GINS1: variants seen among roughly 807,000 people sequenced by gnomAD.
The protein encoded by GINS1 is GINS complex subunit 1, also known as DNA replication complex GINS protein PSF1.
A neutral mutation model predicts 34.9 loss-of-function variants in GINS1; 26 were observed. That is an observed-to-expected ratio of 0.74 (90% CI 0.55 to 1.03). The LOEUF is 1.03. Ranked by LOEUF, GINS1 falls within the 50% of genes least tolerant of loss-of-function variation. GINS1 has a pLI of 0.00. For missense variants in GINS1, 235 were observed against 237.9 expected, an observed-to-expected ratio of 0.99 and a Z score of 0.08; for synonymous variants, 97 against 84.4, an observed-to-expected ratio of 1.15 and a Z score of -0.82.
At chr20:25,438,757 A>G (rs1032338435) in intron 5 of GINS1, among the ~76,000 whole-genome samples, 1 of 151,828 alleles carries the variant, frequency 6.6e-6, no homozygotes, top group African/African-American at 2.4e-5. Flanking sequence ...TATTTTTTGT[A>G]CCGATGGTAT....
chr20:25,423,629 T>TC (rs869258163), intron 4 of GINS1, among the ~76,000 whole-genome samples: 1 of 26,896 alleles, frequency 3.7e-5, no homozygotes, highest in Non-Finnish European at 7.6e-5. Context: ...TTTTTTTTTT[T>TC]CCGAGACGGA....
chr20:25,420,876 GAA>G lies in GINS1; in HGVS notation c.330+2682_330+2683del, dbSNP rs1030078491. On this transcript the variant is annotated intron_variant, in intron 4 of 6. Transcript: ENST00000262460. ...ATGTTTTGGAAACACTGAAGGATGA[GAA>G]GAGATTAATACAGATAAACTCTGTA... 3 of 979,004 alleles carry G rather than the reference GAA, an allele frequency of 3.1e-6. No homozygotes were observed. In the African/African-American group the frequency reaches 5.3e-5, roughly 17 times the overall value. 60.6% of individuals were successfully genotyped at this position (979,004 alleles called of 1,614,324 possible). A position where few individuals can be genotyped will look rare whatever the true frequency, so the allele number is the denominator to read the frequency against.
intron 1 of GINS1, among the ~76,000 whole-genome samples, chr20:25,412,282 A>G (rs2482908): frequency 0.85 from 128,513 of 152,072 alleles, 54,584 homozygotes; most frequent in African/African-American, 0.92. Context: ...AGCTGGGCCC[A>G]GTGGCTCATC....
At chr20:25,417,265 C>T (rs1600922565) in intron 3 of GINS1, 63 bp downstream of exon 3, 1 of 778,460 alleles carries the variant, frequency 1.3e-6, no homozygotes. Flanking sequence ...AGTTGACCAT[C>T]TCAAATGGGT....
chr20:25,423,113 GT>G (rs111280051), intron 4 of GINS1, among the ~76,000 whole-genome samples: 15 of 141,216 alleles, frequency 1.1e-4, no homozygotes, highest in South Asian at 9.2e-4. Context: ...AGTATTTCTG[GT>G]TTTTTTTTTG....
At chr20:25,427,617 T>A (rs2090398956) in intron 5 of GINS1, among the ~76,000 whole-genome samples, 3 of 152,190 alleles carry the variant, frequency 2.0e-5, no homozygotes. Context: ...TTTGGAGAAA[T>A]GTTTATTCAA....
chr20:25,417,961 C>T lies in GINS1; in HGVS notation c.240-144C>T, dbSNP rs185824183. The T allele has an allele frequency of 1.2e-5, 8 of 647,240 alleles. No homozygotes were observed. In the African/African-American group the frequency reaches 1.2e-4, roughly 10 times the overall value. 40.1% of individuals were successfully genotyped at this position (647,240 alleles called of 1,614,324 possible). ...GGAGGAGTGGACAGTGCCTTCAGGT[C>T]GACTCTCAGACTGTGTTCATGTTCT... On this transcript the variant is annotated intron_variant, in intron 3 of 6. Coordinates refer to ENST00000262460, the MANE Select transcript of GINS1 (RefSeq NM_021067.5).
At chr20:25,417,989 T>C in intron 3 of GINS1, 116 bp from the exon 4 acceptor site, 1 of 728,132 alleles carries the variant, frequency 1.4e-6, no homozygotes, top group South Asian at 1.5e-5. Flanking sequence ...CATGTTCTTC[T>C]TGTTTTCCCT....
rs762662810 is a variant in GINS1 at position 25,425,282 on chromosome 20, G to C, written c.402G>C (p.Leu134Phe). The C allele has an allele frequency of 2.1e-5, 33 of 1,566,758 alleles. No homozygotes were observed. Among genetic ancestry groups the C allele is most frequent in the Non-Finnish European group, 2.6e-5 (30 of 1,137,894 alleles). ...YMRSLGGDEGLDITQDMKPPK... is the reference protein window; with the variant it reads ...YMRSLGGDEGFDITQDMKPPK... The stretch of plus-strand genomic sequence containing the variant: ...GGTCACTGGGAGGAGATGAAGGTTT[G>C]GACATTACACAGGATATGAAACCAC... Residue 134 changes from leucine to phenylalanine, a missense_variant, in exon 5 of 7, where the codon TTG (leucine) becomes TTC (phenylalanine). By Grantham distance (22) the Leu-to-Phe change is conservative. Coordinates refer to ENST00000262460, the MANE Select transcript of GINS1 (RefSeq NM_021067.5).
intron 1 of GINS1, 48 bp from the exon 2 acceptor site, chr20:25,413,742 A>T: frequency 9.5e-7 from 1 of 1,058,040 alleles, no homozygotes; most frequent in African/African-American, 1.6e-5. Context: ...ATTGCCACAG[A>T]ATTGGTGGGG....
chr20:25,410,358 G>C (rs1189757384), intron 1 of GINS1, among the ~76,000 whole-genome samples: 2 of 151,530 alleles, frequency 1.3e-5, no homozygotes, highest in African/African-American at 4.8e-5. Flanking sequence ...AAAAAAAGTT[G>C]TAGAATCACT....
intron 5 of GINS1, among the ~76,000 whole-genome samples, chr20:25,430,028 A>G (rs1236293880): frequency 6.6e-6 from 1 of 152,032 alleles, no homozygotes; most frequent in African/African-American, 2.4e-5. Flanking sequence ...TTCTCCTGCC[A>G]CAGCCTCCTA....
intron 5 of GINS1, among the ~76,000 whole-genome samples, chr20:25,432,254 C>T (rs1568806752): frequency 1.3e-5 from 2 of 151,792 alleles, no homozygotes; most frequent in East Asian, 1.9e-4. Flanking sequence ...GCATTCCATA[C>T]ATTTTGATGT....
At chr20:25,431,786 G>C (rs568695752) in intron 5 of GINS1, among the ~76,000 whole-genome samples, 32 of 152,008 alleles carry the variant, frequency 2.1e-4, no homozygotes, top group African/African-American at 7.7e-4. Flanking sequence ...TGTCCAGGCT[G>C]GTCTTGAACT....
At chr20:25,422,260 T>C (rs1451457538) in intron 4 of GINS1, among the ~76,000 whole-genome samples, 1 of 152,018 alleles carries the variant, frequency 6.6e-6, no homozygotes, top group East Asian at 1.9e-4. Context: ...TTGTGCAGAC[T>C]AATCACTTCC....
chr20:25,424,242 G>T (rs186498689), intron 4 of GINS1, among the ~76,000 whole-genome samples: 52 of 152,214 alleles, frequency 3.4e-4, no homozygotes, highest in African/African-American at 1.2e-3. Flanking sequence ...TTCCCATCTT[G>T]TTCTTTTTTG....
At chr20:25,433,549 A>G (rs2090438489) in intron 5 of GINS1, among the ~76,000 whole-genome samples, 1 of 152,216 alleles carries the variant, frequency 6.6e-6, no homozygotes, top group Non-Finnish European at 1.5e-5. Flanking sequence ...AATAAGGAAA[A>G]AAAGTCTGTA....
At chr20:25,431,952 C>T (rs916453560) in intron 5 of GINS1, among the ~76,000 whole-genome samples, 1 of 152,034 alleles carries the variant, frequency 6.6e-6, no homozygotes, top group South Asian at 2.1e-4. Flanking sequence ...ACTGCAACCT[C>T]CATTTCCCGG....
At chr20:25,435,038 A>T (rs914681958) in intron 5 of GINS1, among the ~76,000 whole-genome samples, 1 of 152,204 alleles carries the variant, frequency 6.6e-6, no homozygotes, top group Admixed American at 6.5e-5. Context: ...TTGAGGATTA[A>T]ATTTCTACCA....
Sources: gnomAD v4.1 joint callset for allele counts (sites outside exome capture counted in the v4.1 genomes callset) on GRCh38, gnomAD v4.1.1 for gene constraint, MANE v1.5 for transcripts, NCBI Gene and HGNC (gene_info 2026-07-23, HGNC 2026-07-21) for gene names.